KCNJ3: variants seen among roughly 807,000 people sequenced by gnomAD.
KCNJ3 encodes the protein G protein-activated inward rectifier potassium channel 1.
A neutral mutation model predicts 39.2 loss-of-function variants in KCNJ3; 4 were observed. The observed-to-expected ratio is 0.10, with a 90% CI of 0.05 to 0.23. The LOEUF (loss-of-function observed/expected upper bound fraction) is 0.23, where lower values mean the gene tolerates loss of function less well. KCNJ3 is among the 10% of genes least tolerant of loss of function. The pLI is 1.00. For synonymous variants in KCNJ3, 230 were observed against 237.4 expected (o/e 0.97, Z 0.29); for missense variants, 276 against 634.9 (o/e 0.43, Z 6.08).
At chr2:154,706,884 C>G (rs1685020091) in intron 1 of KCNJ3, among the ~76,000 whole-genome samples, 1 of 152,082 alleles carries the variant, frequency 6.6e-6, no homozygotes, top group Admixed American at 6.6e-5. Context: ...TAAAACCACA[C>G]CCTTCACTTT....
intron 2 of KCNJ3, among the ~76,000 whole-genome samples, chr2:154,738,705 A>G (rs1401435530): frequency 6.6e-6 from 1 of 152,126 alleles, no homozygotes; most frequent in Admixed American, 6.6e-5. Flanking sequence ...GCAAGACAGA[A>G]GACGGTGGAA....
chr2:154,786,616 A>C (rs1686534106), intron 2 of KCNJ3, among the ~76,000 whole-genome samples: 1 of 152,298 alleles, frequency 6.6e-6, no homozygotes, highest in African/African-American at 2.4e-5. Flanking sequence ...ATATATACGT[A>C]TATATGTATT....
At chr2:154,816,107 T>G (rs1317882857) in intron 2 of KCNJ3, among the ~76,000 whole-genome samples, 1 of 152,132 alleles carries the variant, frequency 6.6e-6, no homozygotes, top group African/African-American at 2.4e-5. Flanking sequence ...CGCAAAACTG[T>G]GAATGATATA....
chr2:154,713,617 C>A (rs1685137586), intron 2 of KCNJ3, among the ~76,000 whole-genome samples: 1 of 152,154 alleles, frequency 6.6e-6, no homozygotes, highest in African/African-American at 2.4e-5. Flanking sequence ...GTTTGTTGCC[C>A]TCCTTGCTTC....
chr2:154,748,590 G>C (rs1685785368), intron 2 of KCNJ3, among the ~76,000 whole-genome samples: 1 of 151,960 alleles, frequency 6.6e-6, no homozygotes, highest in Admixed American at 6.6e-5. Context: ...CCAATTGTAA[G>C]ATATCTAGTT....
intron 2 of KCNJ3, among the ~76,000 whole-genome samples, chr2:154,751,745 T>G (rs1381647623): frequency 1.3e-5 from 2 of 152,116 alleles, no homozygotes; most frequent in African/African-American, 2.4e-5. Flanking sequence ...TCTGGAGGCT[T>G]GAAGCCCAAG....
intron 2 of KCNJ3, among the ~76,000 whole-genome samples, chr2:154,849,208 T>C (rs931895996): frequency 2.6e-5 from 4 of 152,174 alleles, no homozygotes; most frequent in African/African-American, 9.7e-5. Context: ...CTCGAAGAGT[T>C]GTGAGGATTA....
chr2:154,738,609 G>A (rs1189557817), intron 2 of KCNJ3, among the ~76,000 whole-genome samples: 3 of 151,780 alleles, frequency 2.0e-5, no homozygotes, highest in Non-Finnish European at 4.4e-5. Context: ...AATTAAATTA[G>A]TGTAGACAAT....
intron 2 of KCNJ3, among the ~76,000 whole-genome samples, chr2:154,751,347 A>C (rs73003595): frequency 6.6e-6 from 1 of 151,940 alleles, no homozygotes. Flanking sequence ...ATTTCATTAC[A>C]TATCAAAATA....
At chr2:154,759,451 T>C (rs1019904666) in intron 2 of KCNJ3, among the ~76,000 whole-genome samples, 4 of 152,042 alleles carry the variant, frequency 2.6e-5, no homozygotes, top group Non-Finnish European at 4.4e-5. Context: ...TTCAAACATA[T>C]AGGTAAGAGT....
chr2:154,848,643 AAT>A (rs546086907), intron 2 of KCNJ3, among the ~76,000 whole-genome samples: 2 of 152,326 alleles, frequency 1.3e-5, no homozygotes, highest in African/African-American at 2.4e-5. Flanking sequence ...CATTGCATAC[AAT>A]ATCTCATAAA....
intron 2 of KCNJ3, among the ~76,000 whole-genome samples, chr2:154,735,837 G>C (rs750144474): frequency 1.3e-5 from 2 of 152,086 alleles, no homozygotes; most frequent in Non-Finnish European, 2.9e-5. Flanking sequence ...CTGCCCTATA[G>C]TTTTCAAAGC....
intron 2 of KCNJ3, among the ~76,000 whole-genome samples, chr2:154,740,426 C>T (rs921119398): frequency 6.6e-6 from 1 of 151,946 alleles, no homozygotes; most frequent in Non-Finnish European, 1.5e-5. Flanking sequence ...GGAAGCCATT[C>T]TTCATTAAGG....
chr2:154,761,496 T>G (rs1278794032), intron 2 of KCNJ3, among the ~76,000 whole-genome samples: 1 of 152,252 alleles, frequency 6.6e-6, no homozygotes, highest in South Asian at 2.1e-4. Flanking sequence ...CTTACTGTGA[T>G]GCTGATTAGA....
At chr2:154,742,639 G>A (rs754056302) in intron 2 of KCNJ3, among the ~76,000 whole-genome samples, 6 of 151,694 alleles carry the variant, frequency 4.0e-5, no homozygotes, top group Non-Finnish European at 7.4e-5. Context: ...ACTGAGCATC[G>A]TTTCATGCTT....
In KCNJ3 at chr2:154,857,867, C is replaced by T. The variant is rs1228490529; in HGVS notation, c.*2554C>T. The T allele has an allele frequency of 2.8e-5, 3 of 105,408 alleles. No homozygotes were observed. The highest frequency in any genetic ancestry group is 2.6e-4 in the East Asian group (1 of 3,836). The allele number at this position is 105,408 out of a possible 1,614,324, so 6.5% of individuals were successfully genotyped here. On this transcript the variant is annotated 3_prime_UTR_variant, in exon 3 of 3. Transcript: ENST00000295101. ...CTGCACTCCAGCCTGGGTGACAGTG[C>T]GAGACTCCATCTCAACATCAAAAAA...
intron 2 of KCNJ3, among the ~76,000 whole-genome samples, chr2:154,837,136 T>C (rs193153440): frequency 6.6e-6 from 1 of 152,204 alleles, no homozygotes; most frequent in Non-Finnish European, 1.5e-5. Flanking sequence ...TGCATGACGA[T>C]AAAGCCAACT....
At chr2:154,840,377 G>A (rs1292015289) in intron 2 of KCNJ3, among the ~76,000 whole-genome samples, 1 of 152,154 alleles carries the variant, frequency 6.6e-6, no homozygotes, top group Admixed American at 6.5e-5. Flanking sequence ...GTAGCATGAT[G>A]CCTCCAGCTT....
At chr2:154,742,612 C>T (rs1440035408) in intron 2 of KCNJ3, among the ~76,000 whole-genome samples, 3 of 151,758 alleles carry the variant, frequency 2.0e-5, no homozygotes, top group Non-Finnish European at 4.4e-5. Context: ...GTTTGGAGTT[C>T]ACTGATGATG....
Sources: allele counts gnomAD v4.1 joint callset (sites outside exome capture counted in the v4.1 genomes callset), GRCh38; gene constraint gnomAD v4.1.1; transcripts MANE v1.5; gene names NCBI Gene and HGNC (gene_info 2026-07-23, HGNC 2026-07-21).